AADACL4: variants seen among roughly 807,000 people sequenced by gnomAD.
The protein encoded by AADACL4 is arylacetamide deacetylase-like 4.
In AADACL4, 9 loss-of-function variants were observed where a neutral mutation model predicts 14.1. The ratio of observed to expected loss-of-function variants is 0.64; its 90% CI spans 0.39 to 1.12. The LOEUF (loss-of-function observed/expected upper bound fraction) is 1.12. Among genes scored for constraint, AADACL4 ranks in the 50% most tolerant of loss-of-function variants. The pLI, the probability that AADACL4 is intolerant of heterozygous loss-of-function variation, is 0.01. For missense variants in AADACL4, 531 were observed against 516.1 expected (o/e 1.03, Z -0.28); for synonymous variants, 188 against 201.6 (o/e 0.93, Z 0.57).
Position 12,666,585 on chromosome 1 carries a change from G to T in AADACL4, c.1074G>T (p.Lys358Asn), listed in dbSNP as rs1192024823. The change falls in exon 4 of 4, where the codon AAG becomes AAT. Residue 358 changes from lysine (K) to asparagine (N), a missense_variant. Coordinates refer to ENST00000376221, the MANE Select transcript of AADACL4 (RefSeq NM_001013630.2). ...ILRDDSLLYK[K>N]RLEDQGVRVT... The stretch of plus-strand genomic sequence containing the variant: ...GTGATGACAGCTTGCTCTATAAGAA[G>T]CGCTTGGAGGACCAGGGGGTCCGCG... 1 of 1,614,214 alleles carries T rather than the reference G, an allele frequency of 6.2e-7. No individual in the cohort carries two copies. Among genetic ancestry groups the T allele is most frequent in the Non-Finnish European group, 8.5e-7 (1 of 1,180,044 alleles).
In AADACL4 at chr1:12,666,988, TA is replaced by T. The variant is rs1647357251; in HGVS notation, c.*256del. The T allele has an allele frequency of 4.3e-6, 2 of 469,718 alleles. No homozygotes were observed. The highest frequency in any genetic ancestry group is 7.4e-6 in the Non-Finnish European group (2 of 270,360). 29.1% of individuals were successfully genotyped at this position (469,718 alleles called of 1,614,324 possible). A position where few individuals can be genotyped will look rare whatever the true frequency, so the allele number is the denominator to read the frequency against. On this transcript the variant is annotated 3_prime_UTR_variant, in exon 4 of 4. Transcript: ENST00000376221. ...CTCTAACATTCCCATTTAGGTGAAA[TA>T]AATATCAAAAGGAGAAAAAAATGCC...
At chr1:12,645,474 G>A (rs2100755325) in intron 1 of AADACL4, among the ~76,000 whole-genome samples, 1 of 152,158 alleles carries the variant, frequency 6.6e-6, no homozygotes, top group Admixed American at 6.5e-5. Context: ...TGGCCTGACA[G>A]CCCCTGCCCC....
chr1:12,655,128 A>G (rs1647173628), intron 2 of AADACL4, among the ~76,000 whole-genome samples: 2 of 152,146 alleles, frequency 1.3e-5, no homozygotes, highest in East Asian at 3.8e-4. Flanking sequence ...TTAGAAACTC[A>G]TGAGTTAATA....
At chr1:12,645,678 G>A (rs759717392) in intron 1 of AADACL4, among the ~76,000 whole-genome samples, 18 of 152,000 alleles carry the variant, frequency 1.2e-4, no homozygotes, top group Non-Finnish European at 2.2e-4. Flanking sequence ...CAAGTAGCTG[G>A]GACTACAGGT....
At chr1:12,662,568 G>C (rs1647245579) in intron 3 of AADACL4, among the ~76,000 whole-genome samples, 1 of 152,180 alleles carries the variant, frequency 6.6e-6, no homozygotes, top group African/African-American at 2.4e-5. Flanking sequence ...AGAGTGGATG[G>C]AGGGGGCAGT....
At chr1:12,661,557 T>G (rs916682755) in intron 2 of AADACL4, among the ~76,000 whole-genome samples, 1 of 152,138 alleles carries the variant, frequency 6.6e-6, no homozygotes, top group Non-Finnish European at 1.5e-5. Context: ...GTAAAATAAA[T>G]GTTGCAGAAA....
chr1:12,661,179 G>A lies in AADACL4; in HGVS notation c.386-612G>A, dbSNP rs1029944090. ...TGATTTAGAAAATCCTGATGCCTGAGCTTCCATGCTAGAGATTCTGATTTA... is the reference window on the plus strand; with the variant it reads ...TGATTTAGAAAATCCTGATGCCTGAACTTCCATGCTAGAGATTCTGATTTA... On this transcript the variant is annotated intron_variant, in intron 2 of 3. Coordinates refer to ENST00000376221, the MANE Select transcript of AADACL4 (RefSeq NM_001013630.2). Among the ~76,000 whole-genome samples, 8 of 152,210 alleles carry A rather than the reference G, an allele frequency of 5.3e-5. No homozygotes were observed. In the South Asian group the frequency reaches 1.7e-3, roughly 31 times the overall value.
intron 1 of AADACL4, among the ~76,000 whole-genome samples, chr1:12,645,245 T>TCCCC (rs778994759): frequency 1.3e-5 from 1 of 75,874 alleles, no homozygotes. Context: ...CTTCCTTCCC[T>TCCCC]CCTCCCTCCC....
intron 2 of AADACL4, among the ~76,000 whole-genome samples, chr1:12,656,726 G>GC (rs993978026): frequency 1.3e-5 from 2 of 152,126 alleles, no homozygotes; most frequent in African/African-American, 2.4e-5. Context: ...GAAAACAGAA[G>GC]CCCCTTCCCA....
At chr1:12,645,986 G>A (rs1321809523) in intron 1 of AADACL4, among the ~76,000 whole-genome samples, 1 of 152,162 alleles carries the variant, frequency 6.6e-6, no homozygotes. Flanking sequence ...CTCTGAGCAG[G>A]GCTTGGGGAT....
chr1:12,652,708 C>G (rs1216585776), intron 2 of AADACL4, among the ~76,000 whole-genome samples: 1 of 152,132 alleles, frequency 6.6e-6, no homozygotes, highest in South Asian at 2.1e-4. Context: ...GATGTTTTCT[C>G]GGAACTGTGG....
At position 12,651,152 on chromosome 1, in the gene AADACL4, C is replaced by T. The variant is rs970454738; in HGVS notation, c.198C>T (p.Cys66=). The part of the protein sequence containing the change: ...LGNIFEKLGI[C]SMPKFIRFLH... ...ATATATTTGAGAAGCTGGGAATTTGCTCCATGCCCAAATTTATTCGTTTTT... is the reference window on the plus strand; with the variant it reads ...ATATATTTGAGAAGCTGGGAATTTGTTCCATGCCCAAATTTATTCGTTTTT... The change falls in exon 2 of 4, where the codon TGC becomes TGT. Residue 66 remains cysteine (C), a synonymous_variant. Coordinates refer to ENST00000376221, the MANE Select transcript of AADACL4 (RefSeq NM_001013630.2). 5.6e-6 allele frequency: 9 copies of T among 1,614,078 alleles called. No individual in the cohort carries two copies. The highest frequency in any genetic ancestry group is 7.6e-6 in the Non-Finnish European group (9 of 1,180,046).
chr1:12,655,624 G>A (rs548376588), intron 2 of AADACL4, among the ~76,000 whole-genome samples: 1 of 152,098 alleles, frequency 6.6e-6, no homozygotes, highest in South Asian at 2.1e-4. Context: ...AACGACTGAA[G>A]CCTCCCTCTG....
chr1:12,666,635 G>T lies in AADACL4; in HGVS notation c.1124G>T (p.Gly375Val). 1 of 1,614,146 alleles carries T rather than the reference G, an allele frequency of 6.2e-7. No individual in the cohort carries two copies. Among genetic ancestry groups the T allele is most frequent in the Non-Finnish European group, 8.5e-7 (1 of 1,180,018 alleles). ...VRVTWYHLYD[G>V]FHGSIIFFDK... is the part of the protein sequence containing the mutation. ...GTGACATGGTACCACCTGTATGATGGTTTTCACGGATCCATTATCTTTTTT... is the reference window on the plus strand; with the variant it reads ...GTGACATGGTACCACCTGTATGATGTTTTTCACGGATCCATTATCTTTTTT... The change falls in exon 4 of 4, where the codon GGT becomes GTT. Residue 375 changes from glycine (G) to valine (V), a missense_variant. Coordinates refer to ENST00000376221, the MANE Select transcript of AADACL4 (RefSeq NM_001013630.2).
At chr1:12,664,136 G>A (rs74789098) in intron 3 of AADACL4, among the ~76,000 whole-genome samples, 5,629 of 152,180 alleles carry the variant, frequency 0.037, 341 homozygotes, top group African/African-American at 0.13. Flanking sequence ...GAAAGAGTGA[G>A]GGCTTATGTT....
intron 2 of AADACL4, among the ~76,000 whole-genome samples, chr1:12,656,162 G>A (rs996482766): frequency 1.3e-5 from 2 of 152,200 alleles, no homozygotes; most frequent in African/African-American, 4.8e-5. Context: ...CATGACTTGA[G>A]ACAGAAGGGG....
intron 3 of AADACL4, 144 bp from the exon 4 acceptor site, chr1:12,665,817 A>G: frequency 1.1e-6 from 1 of 921,288 alleles, no homozygotes; most frequent in Non-Finnish European, 1.6e-6. Context: ...TAGGAAGACA[A>G]TGGGGATAAA....
chr1:12,649,525 A>G (rs1453743306), intron 1 of AADACL4, among the ~76,000 whole-genome samples: 1 of 152,220 alleles, frequency 6.6e-6, no homozygotes, highest in Admixed American at 6.5e-5. Context: ...TCCACCTTGC[A>G]GATCAACTCA....
At chr1:12,661,692 C>A (rs747814222) in intron 2 of AADACL4, 99 bp from the exon 3 acceptor site, 25 of 1,237,382 alleles carry the variant, frequency 2.0e-5, no homozygotes, top group Non-Finnish European at 2.4e-5. Flanking sequence ...GGATGCCACA[C>A]CCCACACCAA....
Sources: gnomAD v4.1 joint callset for allele counts (sites outside exome capture counted in the v4.1 genomes callset) on GRCh38, gnomAD v4.1.1 for gene constraint, MANE v1.5 for transcripts, NCBI Gene and HGNC (gene_info 2026-07-23, HGNC 2026-07-21) for gene names.